The following MYOM3 variants were observed in gnomAD, a reference collection of about 807,000 sequenced individuals.
MYOM3 encodes myomesin-3.
MYOM3 carries 155 observed loss-of-function variants against 191.7 expected under a neutral mutation model. The observed-to-expected ratio is 0.81, with a 90% CI of 0.71 to 0.92. The LOEUF (loss-of-function observed/expected upper bound fraction) is 0.92. Among genes scored for constraint, MYOM3 ranks in the 40% least tolerant of loss-of-function variants. The probability of loss-of-function intolerance (pLI) is 0.00; values close to 1 mark genes in which losing one functional copy is unlikely to be tolerated. For missense variants in MYOM3, 1,889 were observed against 1,890.6 expected (o/e 1.00, Z 0.02); for synonymous variants, 757 against 762.9 (o/e 0.99, Z 0.13).
chr1:24,070,850 G>A (rs1052303334), intron 25 of MYOM3, among the ~76,000 whole-genome samples: 1 of 152,196 alleles, frequency 6.6e-6, no homozygotes, highest in Non-Finnish European at 1.5e-5. Flanking sequence ...ATCAGAAGTT[G>A]TGGGGGGTGT....
chr1:24,068,282 G>C lies in MYOM3; in HGVS notation c.3236C>G (p.Thr1079Ser). ...NLSEEDKGSY[T>S]AQLQDGKAKN... ...GGCTTTTCCATCTTGGAGTTGAGCG[G>C]TGTACGACCCTTTGTCCTCCTCAGA... Residue 1079 changes from threonine (T) to serine (S), a missense_variant, in exon 26 of 37, where the codon ACC becomes AGC. Coordinates refer to ENST00000374434, the MANE Select transcript of MYOM3 (RefSeq NM_152372.4). The C allele has an allele frequency of 6.2e-7, 1 of 1,614,164 alleles. No homozygotes were observed. Among genetic ancestry groups the C allele is most frequent in the Non-Finnish European group, 8.5e-7 (1 of 1,180,020 alleles).
intron 25 of MYOM3, 89 bp from the exon 26 acceptor site, chr1:24,068,456 T>TA: frequency 6.6e-7 from 1 of 1,504,688 alleles, no homozygotes; most frequent in Non-Finnish European, 9.1e-7. Flanking sequence ...TTGGGGGTGG[T>TA]AAGCACAGAG....
In MYOM3 at chr1:24,094,953, C is replaced by G; in HGVS notation, c.828G>C (p.Val276=). Residue 276 remains valine (V), a synonymous_variant, in exon 9 of 37, where the codon GTG becomes GTC. Transcript: ENST00000374434. ...TFGPSVEFTS[V]LKPVFAREKE... is the part of the protein sequence containing the mutation. ...TCTCACGAGCAAAGACTGGCTTCAG[C>G]ACCGAGGTGAATTCCACGCTGGGGC... 6.2e-7 allele frequency: 1 copy of G among 1,613,958 alleles called. No homozygotes were observed. The highest frequency in any genetic ancestry group is 1.1e-5 in the South Asian group (1 of 91,030).
Position 24,086,508 on chromosome 1 carries a change from T to C in MYOM3, c.1798+136A>G, listed in dbSNP as rs973122557. Reference sequence around the variant, plus strand: ...GTCTTAAAACTCCCCAGGCCTGAGATCAAATTGCTTTTCAGCTTCATGATG... The same window carrying C: ...GTCTTAAAACTCCCCAGGCCTGAGACCAAATTGCTTTTCAGCTTCATGATG... On this transcript the variant is annotated intron_variant, in intron 15 of 36. Coordinates refer to ENST00000374434, the MANE Select transcript of MYOM3 (RefSeq NM_152372.4). 4 of 859,482 alleles carry C rather than the reference T, an allele frequency of 4.7e-6. No homozygotes were observed. In the African/African-American group the frequency reaches 6.8e-5, roughly 15 times the overall value. 53.2% of individuals were successfully genotyped at this position (859,482 alleles called of 1,614,324 possible).
rs117291160 is a variant in MYOM3 at position 24,075,471 on chromosome 1, G to C, written c.2706C>G (p.Ala902=). 1,334 of 1,564,266 alleles carry C rather than the reference G, an allele frequency of 8.5e-4. 49 individuals carry two copies. The East Asian group carries it at 0.03, about 35-fold the overall frequency. The change falls in exon 22 of 37, where the codon GCC becomes GCG. Residue 902 remains alanine, a synonymous_variant. Coordinates refer to ENST00000374434, the MANE Select transcript of MYOM3 (RefSeq NM_152372.4). ...CATCCACACCAACCTCGATCTCATGGGCACCTGAGGGCGAGATCCAACAGA... is the reference window on the plus strand; with the variant it reads ...CATCCACACCAACCTCGATCTCATGCGCACCTGAGGGCGAGATCCAACAGA... ...DPVLLEDKPG[A]HEIEVGVDEE...
At chr1:24,071,492 C>A (rs1643531637) in intron 24 of MYOM3, among the ~76,000 whole-genome samples, 2 of 152,196 alleles carry the variant, frequency 1.3e-5, no homozygotes, top group Admixed American at 1.3e-4. Flanking sequence ...CTCAACCTGG[C>A]AGGGCATTGG....
At chr1:24,060,716 C>T (rs9660891) in intron 35 of MYOM3, among the ~76,000 whole-genome samples, 1,551 of 152,284 alleles carry the variant, frequency 0.01, 25 homozygotes, top group African/African-American at 0.032. Flanking sequence ...TCCAATACCT[C>T]GAGAGCCATA....
intron 1 of MYOM3, 121 bp from the exon 2 acceptor site, chr1:24,108,775 G>T: frequency 3.0e-6 from 2 of 670,068 alleles, no homozygotes; most frequent in Non-Finnish European, 2.4e-6. Context: ...CTCTGCAGTC[G>T]GCAGACAGGG....
At chr1:24,082,833 G>A in intron 16 of MYOM3, 119 bp from the exon 17 acceptor site, 1 of 1,284,222 alleles carries the variant, frequency 7.8e-7, no homozygotes. Context: ...GAAGGTTCAG[G>A]TCAATTCTTC....
chr1:24,062,176 A>G (rs1305662258), intron 32 of MYOM3, 67 bp from the exon 33 acceptor site: 25 of 1,580,592 alleles, frequency 1.6e-5, no homozygotes, highest in Non-Finnish European at 2.2e-5. Flanking sequence ...CCGTGCCCCA[A>G]AATCCTCTCC....
In MYOM3 at chr1:24,067,093, G is replaced by A; in HGVS notation, c.3356-5C>T. 3 of 1,569,776 alleles carry A rather than the reference G, an allele frequency of 1.9e-6. No homozygotes were observed. The highest frequency in any genetic ancestry group is 1.7e-6 in the Non-Finnish European group (2 of 1,155,308). On this transcript the variant is annotated splice_polypyrimidine_tract_variant and splice_region_variant and intron_variant, in intron 27 of 36. Coordinates refer to ENST00000374434, the MANE Select transcript of MYOM3 (RefSeq NM_152372.4). ...ACGGCCGCTCAAAATAGGGACCTGT[G>A]CGTGCAAAACAAATGTGCCCACTGT...
intron 23 of MYOM3, among the ~76,000 whole-genome samples, chr1:24,072,243 C>T (rs775919625): frequency 5.3e-5 from 8 of 152,176 alleles, no homozygotes; most frequent in East Asian, 1.9e-4. Flanking sequence ...CCTGAGATTG[C>T]GTCCTCTCCC....
At chr1:24,083,817 C>T (rs937481171) in intron 16 of MYOM3, 1 of 152,718 alleles carries the variant, frequency 6.5e-6, no homozygotes, top group African/African-American at 2.4e-5. Flanking sequence ...AAGTCCCAGT[C>T]CTGCCATTTA....
At chr1:24,107,362 A>G (rs1307549026) in intron 3 of MYOM3, 130 bp from the exon 4 acceptor site, 2 of 813,300 alleles carry the variant, frequency 2.5e-6, no homozygotes, top group Non-Finnish European at 3.7e-6. Context: ...ATGATTTTGC[A>G]TCTTCCCTTG....
chr1:24,086,502 C>T (rs1643748799), intron 15 of MYOM3, 142 bp downstream of exon 15: 2 of 810,108 alleles, frequency 2.5e-6, no homozygotes, highest in South Asian at 1.8e-5. Context: ...CTCCCCAGGC[C>T]TGAGATCAAA....
In MYOM3 at chr1:24,102,374, C is replaced by T. The variant is rs529152696; in HGVS notation, c.561-2599G>A. On this transcript the variant is annotated intron_variant, in intron 5 of 36. Transcript: ENST00000374434. ...CCTGTCGGGAAGATTCCAGACACCT[C>T]AGCCTGGCCAGCTCTGCTTTTCCTG... Among the ~76,000 whole-genome samples the T allele has an allele frequency of 1.1e-4, 17 of 152,294 alleles. 1 individual carries two copies. The East Asian group carries it at 3.3e-3, about 30-fold the overall frequency.
chr1:24,067,828 G>A (rs1643472243), intron 27 of MYOM3, 142 bp downstream of exon 27: 3 of 809,692 alleles, frequency 3.7e-6, no homozygotes, highest in East Asian at 4.9e-5. Flanking sequence ...TTTTGATCTG[G>A]CACTGGGACA....
intron 1 of MYOM3, among the ~76,000 whole-genome samples, chr1:24,110,227 G>A (rs1644026977): frequency 6.6e-6 from 1 of 152,188 alleles, no homozygotes; most frequent in African/African-American, 2.4e-5. Context: ...CCAGGCGTGG[G>A]GATGGAAACA....
chr1:24,066,192 T>G, intron 28 of MYOM3, 191 bp from the exon 29 acceptor site: 1 of 718,086 alleles, frequency 1.4e-6, no homozygotes, highest in Non-Finnish European at 2.6e-6. Context: ...TACTCTATTT[T>G]TCTTGGAAAT....
Sources: allele counts gnomAD v4.1 joint callset (sites outside exome capture counted in the v4.1 genomes callset), GRCh38; gene constraint gnomAD v4.1.1; transcripts MANE v1.5; gene names NCBI Gene and HGNC (gene_info 2026-07-23, HGNC 2026-07-21).